The following RBFOX3 variants were observed in gnomAD, a reference collection of about 807,000 sequenced individuals.
The protein encoded by RBFOX3 is RNA binding protein fox-1 homolog 3.
RBFOX3 carries 17 observed loss-of-function variants against 48.7 expected under a neutral mutation model. That is an observed-to-expected ratio of 0.35 (90% CI 0.24 to 0.52). The LOEUF (loss-of-function observed/expected upper bound fraction) is 0.52, where lower values mean the gene tolerates loss of function less well. Among genes scored for constraint, RBFOX3 ranks in the 20% least tolerant of loss-of-function variants. The pLI is 0.94. For synonymous variants in RBFOX3, 212 were observed against 209.5 expected, an observed-to-expected ratio of 1.01 and a Z score of -0.10; for missense variants, 382 against 497.5, an observed-to-expected ratio of 0.77 and a Z score of 2.21.
chr17:79,605,061 C>G (rs1425415397), intron 1 of RBFOX3, among the ~76,000 whole-genome samples: 1 of 152,184 alleles, frequency 6.6e-6, no homozygotes, highest in Non-Finnish European at 1.5e-5. Context: ...GGACTGCAGT[C>G]CATGGTGTTC....
chr17:79,509,762 G>C (rs1237526558), intron 1 of RBFOX3, among the ~76,000 whole-genome samples: 1 of 152,022 alleles, frequency 6.6e-6, no homozygotes, highest in African/African-American at 2.4e-5. Flanking sequence ...AGGGCTGGGA[G>C]CTCCGGGCTG....
At chr17:79,348,676 G>A in intron 2 of RBFOX3, among the ~76,000 whole-genome samples, 1 of 145,672 alleles carries the variant, frequency 6.9e-6, no homozygotes. Context: ...CGCCTCCTGG[G>A]TTCAAGTGAT....
intron 3 of RBFOX3, among the ~76,000 whole-genome samples, chr17:79,265,652 T>C (rs1442677107): frequency 6.6e-6 from 1 of 152,242 alleles, no homozygotes; most frequent in Non-Finnish European, 1.5e-5. Context: ...GACTTTCCAA[T>C]TTCCAGAAAG....
the RBFOX3 span, among the ~76,000 whole-genome samples, chr17:79,651,760 TCTC>T: frequency 7.2e-6 from 1 of 138,784 alleles, no homozygotes; most frequent in African/African-American, 2.7e-5. Context: ...TTTCTCTCTG[TCTC>T]CCCCTCCCTC....
intron 1 of RBFOX3, among the ~76,000 whole-genome samples, chr17:79,514,366 G>T (rs1599012877): frequency 6.6e-6 from 1 of 152,346 alleles, no homozygotes; most frequent in East Asian, 1.9e-4. Flanking sequence ...CCTGGGCCCA[G>T]CACTGGTCCA....
chr17:79,650,703 G>T, the RBFOX3 span, among the ~76,000 whole-genome samples: 3 of 151,874 alleles, frequency 2.0e-5, no homozygotes, highest in Non-Finnish European at 4.4e-5. Context: ...AGAGACTAAA[G>T]CTCCCCAGAG....
chr17:79,238,986 A>G (rs1271423104), intron 3 of RBFOX3, among the ~76,000 whole-genome samples: 1 of 152,034 alleles, frequency 6.6e-6, no homozygotes, highest in East Asian at 1.9e-4. Flanking sequence ...CCATCGTTTC[A>G]CAGAACCTCC....
intron 2 of RBFOX3, among the ~76,000 whole-genome samples, chr17:79,440,488 G>A (rs1278998561): frequency 1.3e-5 from 2 of 152,152 alleles, no homozygotes; most frequent in Non-Finnish European, 2.9e-5. Flanking sequence ...CCAGACCAGG[G>A]GAGCCGAAGC....
intron 4 of RBFOX3, among the ~76,000 whole-genome samples, chr17:79,169,846 C>T (rs2048782298): frequency 6.6e-6 from 1 of 151,628 alleles, no homozygotes; most frequent in Non-Finnish European, 1.5e-5. Context: ...GAACCGTATA[C>T]TTCATAAGGG....
intron 2 of RBFOX3, among the ~76,000 whole-genome samples, chr17:79,337,517 T>C (rs2081380163): frequency 6.6e-6 from 1 of 152,262 alleles, no homozygotes; most frequent in South Asian, 2.1e-4. Context: ...GGCTCACGCC[T>C]GTAATCCCAA....
intron 4 of RBFOX3, among the ~76,000 whole-genome samples, chr17:79,209,730 A>G (rs1296184046): frequency 6.6e-6 from 1 of 152,022 alleles, no homozygotes; most frequent in Non-Finnish European, 1.5e-5. Flanking sequence ...GTGGTGGCTC[A>G]TGTCTGTAAT....
In RBFOX3 at chr17:79,477,681, T is replaced by C. The variant is rs1219771073; in HGVS notation, c.-175+4773A>G. 1.1e-4 allele frequency among the ~76,000 whole-genome samples: 17 copies of C among 152,022 alleles called. No individual in the cohort carries two copies. The highest frequency in any genetic ancestry group is 1.0e-3 in the Admixed American group (16 of 15,266). On this transcript the variant is annotated intron_variant, in intron 2 of 14. Coordinates refer to ENST00000693108, the MANE Select transcript of RBFOX3 (RefSeq NM_001350451.2). This position sits in a 1 kb window ranked among gnomAD's most constrained non-coding sequence, Gnocchi z 4.8. ...ACATCCTCAGAGCTTGCTCTGGTGG[T>C]GAACAAGCAAAGGGGCAGGGTGGCA...
At chr17:79,638,542 A>G in the RBFOX3 span, among the ~76,000 whole-genome samples, 1 of 152,242 alleles carries the variant, frequency 6.6e-6, no homozygotes, top group South Asian at 2.1e-4. Flanking sequence ...AGTCAGGAAG[A>G]AATAGAAAGC....
At chr17:79,135,613 G>A (rs554626829) in intron 4 of RBFOX3, among the ~76,000 whole-genome samples, 9 of 152,112 alleles carry the variant, frequency 5.9e-5, no homozygotes, top group African/African-American at 1.2e-4. Context: ...TGGGGGCATC[G>A]GGGGAGGGAT....
At chr17:79,276,740 A>G (rs1038870016) in intron 3 of RBFOX3, among the ~76,000 whole-genome samples, 1 of 152,156 alleles carries the variant, frequency 6.6e-6, no homozygotes, top group Non-Finnish European at 1.5e-5. Context: ...AAAAATCAAG[A>G]AACTGGAGTG....
At chr17:79,290,628 C>T (rs1478616600) in intron 3 of RBFOX3, among the ~76,000 whole-genome samples, 2 of 152,122 alleles carry the variant, frequency 1.3e-5, no homozygotes, top group Non-Finnish European at 2.9e-5. Flanking sequence ...GTGACCCTTG[C>T]TAAGGGCCTT....
At chr17:79,630,794 A>G in the RBFOX3 span, among the ~76,000 whole-genome samples, 84 of 152,282 alleles carry the variant, frequency 5.5e-4, 1 homozygote, top group South Asian at 0.015. Context: ...TTAACCCTCA[A>G]AATAATGCAG....
At chr17:79,360,707 C>T (rs1225993549) in intron 2 of RBFOX3, among the ~76,000 whole-genome samples, 5 of 152,040 alleles carry the variant, frequency 3.3e-5, no homozygotes, top group South Asian at 4.2e-4. Context: ...ATAGGGTTAT[C>T]GGTGTCAGCA....
chr17:79,323,233 G>T (rs78355686), intron 2 of RBFOX3, among the ~76,000 whole-genome samples: 14,541 of 152,250 alleles, frequency 0.096, 844 homozygotes, highest in African/African-American at 0.17. Context: ...GAGCAGATTT[G>T]CTATTGTTTT....
Sources: gnomAD v4.1 joint callset for allele counts (sites outside exome capture counted in the v4.1 genomes callset) on GRCh38, gnomAD v4.1.1 for gene constraint, Gnocchi (gnomAD v3.1) non-coding constraint, MANE v1.5 for transcripts, NCBI Gene and HGNC (gene_info 2026-07-23, HGNC 2026-07-21) for gene names.